CHRNA5: variants seen among roughly 807,000 people sequenced by gnomAD.
CHRNA5 encodes cholinergic receptor nicotinic alpha 5 subunit, also known as neuronal acetylcholine receptor subunit alpha-5.
CHRNA5 carries 28 observed loss-of-function variants against 41.2 expected under a neutral mutation model. That is an observed-to-expected ratio of 0.68 (90% CI 0.50 to 0.93). The LOEUF (loss-of-function observed/expected upper bound fraction) is 0.93. Ranked by LOEUF, CHRNA5 falls within the 40% of genes least tolerant of loss-of-function variation. The pLI, the probability that CHRNA5 is intolerant of heterozygous loss-of-function variation, is 0.00. For synonymous variants in CHRNA5, 188 were observed against 205.8 expected, an observed-to-expected ratio of 0.91 and a Z score of 0.74; for missense variants, 481 against 581.9, an observed-to-expected ratio of 0.83 and a Z score of 1.78.
chr15:78,592,942 TCC>T (rs553608776), intron 5 of CHRNA5, 148 bp from the exon 6 acceptor site: 1 of 807,086 alleles, frequency 1.2e-6, no homozygotes, highest in Admixed American at 3.0e-5. Flanking sequence ...CTAGTGTCTG[TCC>T]CTGAGCTGAG....
intron 1 of CHRNA5, among the ~76,000 whole-genome samples, chr15:78,571,320 C>T (rs1210288280): frequency 2.0e-5 from 3 of 152,186 alleles, no homozygotes; most frequent in Admixed American, 2.0e-4. Context: ...ATCCTGCTGT[C>T]CTAACAAAGC....
chr15:78,590,255 A>G lies in CHRNA5; in HGVS notation c.864A>G (p.Val288=), dbSNP rs532503723. The G allele has an allele frequency of 2.5e-6, 4 of 1,613,984 alleles. No individual in the cohort carries two copies. In the East Asian group the frequency reaches 6.7e-5, roughly 27 times the overall value. The change falls in exon 5 of 6, where the codon GTA becomes GTG. Residue 288 remains valine (V), a synonymous_variant. Transcript: ENST00000299565. Reference sequence around the variant, plus strand: ...AAAAGATTTGTCTCTGCACTTCAGTACTTGTGTCTTTGACTGTCTTCCTTC... The same window carrying G: ...AAAAGATTTGTCTCTGCACTTCAGTGCTTGTGTCTTTGACTGTCTTCCTTC...
chr15:78,570,368 C>A (rs1024007479), intron 1 of CHRNA5, among the ~76,000 whole-genome samples: 1 of 150,836 alleles, frequency 6.6e-6, no homozygotes, highest in Non-Finnish European at 1.5e-5. Context: ...AAATGATTCT[C>A]GTGCCTCAGC....
intron 2 of CHRNA5, among the ~76,000 whole-genome samples, chr15:78,584,240 C>T (rs938694902): frequency 2.0e-5 from 3 of 152,188 alleles, no homozygotes; most frequent in African/African-American, 7.2e-5. Flanking sequence ...TTGGTGGATT[C>T]CTGCCTTATT....
At chr15:78,590,796 A>G (rs1414618771) in intron 5 of CHRNA5, 160 bp downstream of exon 5, 5 of 643,690 alleles carry the variant, frequency 7.8e-6, no homozygotes, top group Non-Finnish European at 1.3e-5. Context: ...GATCTTTACT[A>G]AGGCTTGTTT....
exon 6 of CHRNA5, chr15:78,593,410 A>G (rs2053044425): frequency 1.6e-6 from 1 of 644,120 alleles, no homozygotes; most frequent in African/African-American, 1.9e-5. Flanking sequence ...ATCCATTTGA[A>G]CAGTTGGCTG....
exon 5 of CHRNA5, chr15:78,590,385 G>A (rs201259246): frequency 1.8e-5 from 29 of 1,614,144 alleles, no homozygotes; most frequent in Non-Finnish European, 2.3e-5. Flanking sequence ...TATGGTAACC[G>A]TCTTCGCTAT....
intron 1 of CHRNA5, among the ~76,000 whole-genome samples, chr15:78,572,379 TAA>T (rs1338422469): frequency 6.6e-6 from 1 of 152,204 alleles, no homozygotes; most frequent in South Asian, 2.1e-4. Context: ...AAAACTTAAA[TAA>T]AGTCTAATGC....
intron 2 of CHRNA5, among the ~76,000 whole-genome samples, chr15:78,585,034 C>T (rs2052946173): frequency 1.3e-5 from 2 of 152,158 alleles, no homozygotes; most frequent in African/African-American, 4.8e-5. Flanking sequence ...GTTCTCCCAC[C>T]TCAGCCTCCT....
At chr15:78,575,031 T>A (rs961540373) in intron 1 of CHRNA5, among the ~76,000 whole-genome samples, 1 of 151,760 alleles carries the variant, frequency 6.6e-6, no homozygotes, top group East Asian at 1.9e-4. Flanking sequence ...GGTTAACAGC[T>A]TATTAGTGGT....
intron 1 of CHRNA5, among the ~76,000 whole-genome samples, chr15:78,572,226 G>C (rs1299422703): frequency 6.6e-6 from 1 of 152,152 alleles, no homozygotes; most frequent in Non-Finnish European, 1.5e-5. Flanking sequence ...CCTTGACTCA[G>C]CAGTTTTACT....
intron 3 of CHRNA5, among the ~76,000 whole-genome samples, chr15:78,586,915 T>G (rs1052167004): frequency 1.3e-5 from 2 of 152,130 alleles, no homozygotes; most frequent in Non-Finnish European, 2.9e-5. Context: ...CCAGACACTG[T>G]TATGGGGAAA....
intron 1 of CHRNA5, among the ~76,000 whole-genome samples, chr15:78,577,500 C>A (rs1203260508): frequency 6.6e-6 from 1 of 152,170 alleles, no homozygotes; most frequent in East Asian, 1.9e-4. Flanking sequence ...AAAGCAGTAT[C>A]TTGAAGATTC....
rs2052985796 is a variant in CHRNA5, at chr15:78,588,952, T to C, written c.413+529T>C. 1.3e-5 allele frequency among the ~76,000 whole-genome samples: 2 copies of C among 151,944 alleles called. No individual in the cohort carries two copies. The highest frequency in any genetic ancestry group is 2.4e-5 in the African/African-American group (1 of 41,386). ...CAGTTTTATTTTTTTCTAAGACCAC[T>C]CCTGGGCAAATCTGGGAATTTGTGC... On this transcript the variant is annotated intron_variant, in intron 4 of 5. Transcript: ENST00000299565. The surrounding 1 kb of genome is among the most constrained non-coding windows in gnomAD (Gnocchi z 4.1).
chr15:78,592,334 G>A (rs2053024693), intron 5 of CHRNA5, among the ~76,000 whole-genome samples: 1 of 152,092 alleles, frequency 6.6e-6, no homozygotes, highest in Non-Finnish European at 1.5e-5. Context: ...AATAAAATAA[G>A]CAGAGAAGTA....
At chr15:78,582,708 A>T (rs1054105279) in intron 2 of CHRNA5, among the ~76,000 whole-genome samples, 5 of 152,176 alleles carry the variant, frequency 3.3e-5, no homozygotes, top group African/African-American at 1.2e-4. Context: ...TAGGGTTTCA[A>T]CGTGGCAGAG....
rs557928661 is a variant in CHRNA5 at position 78,570,349 on chromosome 15, C to T, written c.106+4524C>T. Among the ~76,000 whole-genome samples, 10 of 149,186 alleles carry T rather than the reference C, an allele frequency of 6.7e-5. No homozygotes were observed. In the Admixed American group the frequency reaches 6.8e-4, roughly 10 times the overall value. On this transcript the variant is annotated intron_variant, in intron 1 of 5. Coordinates refer to ENST00000299565, the Ensembl canonical transcript of CHRNA5. ...TCTTGGCTCACTGACACCTCTGGCT[C>T]CTGGGTCCAAATGATTCTCGTGCCT...
chr15:78,582,033 G>T (rs1056834577), intron 2 of CHRNA5, among the ~76,000 whole-genome samples: 1 of 152,146 alleles, frequency 6.6e-6, no homozygotes, highest in Non-Finnish European at 1.5e-5. Context: ...CTTTCCTTAA[G>T]AAAGGCAGTT....
intron 2 of CHRNA5, 137 bp from the exon 3 acceptor site, chr15:78,586,508 T>C (rs2141417370): frequency 1.8e-6 from 1 of 562,876 alleles, no homozygotes; most frequent in East Asian, 3.0e-5. Flanking sequence ...CCTAGCTTTC[T>C]AGAGAACCAG....
Sources: gnomAD v4.1 joint callset for allele counts (sites outside exome capture counted in the v4.1 genomes callset) on GRCh38, gnomAD v4.1.1 for gene constraint, Gnocchi (gnomAD v3.1) non-coding constraint, MANE v1.5 for transcripts, NCBI Gene and HGNC (gene_info 2026-07-23, HGNC 2026-07-21) for gene names.